Variants in PTPRD observed in about 807,000 individuals in gnomAD.
PTPRD encodes receptor-type tyrosine-protein phosphatase delta.
PTPRD carries 34 observed loss-of-function variants against 214.5 expected under a neutral mutation model. The ratio of observed to expected loss-of-function variants is 0.16; its 90% CI spans 0.12 to 0.21. The LOEUF (loss-of-function observed/expected upper bound fraction) is 0.21. PTPRD is among the 10% of genes least tolerant of loss of function. PTPRD has a pLI of 1.00. For synonymous variants in PTPRD, 1,128 were observed against 845.7 expected, an observed-to-expected ratio of 1.33 and a Z score of -5.79; for missense variants, 2,545 against 2,398.7, an observed-to-expected ratio of 1.06 and a Z score of -1.27.
At chr9:8,517,351 G>T (rs2097798610) in intron 21 of PTPRD, among the ~76,000 whole-genome samples, 1 of 152,116 alleles carries the variant, frequency 6.6e-6, no homozygotes, top group South Asian at 2.1e-4. Context: ...GCCATACAGA[G>T]AAAAACAGAA....
chr9:9,398,222 A>G (rs749156393), intron 8 of PTPRD, among the ~76,000 whole-genome samples: 3 of 151,858 alleles, frequency 2.0e-5, no homozygotes, highest in East Asian at 1.9e-4. Flanking sequence ...CATTTCTTCA[A>G]TAGAGGTTGT....
At chr9:9,957,633 C>G (rs530872110) in intron 4 of PTPRD, among the ~76,000 whole-genome samples, 12 of 151,944 alleles carry the variant, frequency 7.9e-5, no homozygotes, top group Non-Finnish European at 1.8e-4. Flanking sequence ...AGGGAAATAT[C>G]TCTCATAAAC....
At chr9:9,998,129 A>AAAAT (rs57991748) in intron 4 of PTPRD, among the ~76,000 whole-genome samples, 49 of 91,460 alleles carry the variant, frequency 5.4e-4, no homozygotes, top group Non-Finnish European at 7.5e-4. Context: ...AAAAAAAAAA[A>AAAAT]ATATATATAT....
At chr9:10,471,348 T>C (rs1299131040) in intron 2 of PTPRD, among the ~76,000 whole-genome samples, 1 of 151,372 alleles carries the variant, frequency 6.6e-6, no homozygotes, top group Non-Finnish European at 1.5e-5. Flanking sequence ...GAATTGGGGG[T>C]TTGGGGGTCA....
intron 38 of PTPRD, 61 bp downstream of exon 38, chr9:8,376,546 A>G (rs13284066): frequency 1.2e-6 from 2 of 1,606,988 alleles, no homozygotes; most frequent in Non-Finnish European, 1.7e-6. Context: ...TCATTTCTCA[A>G]AAGAAGCTTT....
At chr9:8,346,251 C>T (rs2132851052) in intron 39 of PTPRD, among the ~76,000 whole-genome samples, 1 of 152,116 alleles carries the variant, frequency 6.6e-6, no homozygotes, top group East Asian at 1.9e-4. Context: ...TGTGCTAGAG[C>T]TAGCAAAAGC....
intron 5 of PTPRD, among the ~76,000 whole-genome samples, chr9:9,897,125 T>A (rs1414337670): frequency 2.4e-5 from 1 of 42,336 alleles, no homozygotes; most frequent in Non-Finnish European, 4.1e-5. Context: ...AAACATCTCT[T>A]ACACTTACAC....
At chr9:9,132,163 A>G (rs1029681256) in intron 10 of PTPRD, among the ~76,000 whole-genome samples, 2 of 152,054 alleles carry the variant, frequency 1.3e-5, no homozygotes, top group African/African-American at 2.4e-5. Flanking sequence ...GCCCGCCACC[A>G]TACCTGGCTA....
intron 4 of PTPRD, among the ~76,000 whole-genome samples, chr9:9,991,534 T>C (rs1021364883): frequency 1.3e-5 from 2 of 151,892 alleles, no homozygotes; most frequent in African/African-American, 2.4e-5. Context: ...GCTAATTTTG[T>C]ATTTTTAGTA....
intron 2 of PTPRD, among the ~76,000 whole-genome samples, chr9:10,484,424 C>T (rs1575295): frequency 0.98 from 149,017 of 152,214 alleles, 73,029 homozygotes; most frequent in East Asian, 1. Flanking sequence ...AAACCACTTG[C>T]AATCCTAAAG....
At chr9:8,909,649 T>G (rs1051653449) in intron 11 of PTPRD, among the ~76,000 whole-genome samples, 1 of 152,108 alleles carries the variant, frequency 6.6e-6, no homozygotes, top group Admixed American at 6.6e-5. Flanking sequence ...TACATAATGA[T>G]GAAAACGGAA....
chr9:9,556,895 C>G (rs142483500), intron 8 of PTPRD, among the ~76,000 whole-genome samples: 3 of 152,240 alleles, frequency 2.0e-5, no homozygotes, highest in African/African-American at 7.2e-5. Flanking sequence ...GTATTCTAAT[C>G]TCAGACAGTA....
intron 35 of PTPRD, among the ~76,000 whole-genome samples, chr9:8,427,275 C>T (rs186554372): frequency 6.6e-6 from 1 of 152,120 alleles, no homozygotes; most frequent in Non-Finnish European, 1.5e-5. Context: ...GAGAAAAGAG[C>T]CTGAAAATAA....
At chr9:9,628,242 G>A (rs924070561) in intron 7 of PTPRD, among the ~76,000 whole-genome samples, 26 of 152,096 alleles carry the variant, frequency 1.7e-4, no homozygotes, top group Non-Finnish European at 1.0e-4. Context: ...TAACACATGT[G>A]TGATAACTCC....
intron 7 of PTPRD, among the ~76,000 whole-genome samples, chr9:9,581,196 G>GT (rs1205570367): frequency 6.6e-6 from 1 of 152,038 alleles, no homozygotes; most frequent in Non-Finnish European, 1.5e-5. Flanking sequence ...ATTTTAGATA[G>GT]TGACAGCCCC....
intron 14 of PTPRD, among the ~76,000 whole-genome samples, chr9:8,559,687 C>A (rs1335863945): frequency 6.6e-6 from 1 of 152,200 alleles, no homozygotes; most frequent in East Asian, 1.9e-4. Context: ...AAGGTGCTAT[C>A]AAGTGGGGCT....
At chr9:9,066,788 G>C (rs2099735215) in intron 10 of PTPRD, among the ~76,000 whole-genome samples, 1 of 152,182 alleles carries the variant, frequency 6.6e-6, no homozygotes, top group Non-Finnish European at 1.5e-5. Flanking sequence ...AAACGGGACG[G>C]GCTTTCTCGC....
chr9:10,195,713 A>T (rs1339510395), intron 3 of PTPRD, among the ~76,000 whole-genome samples: 1 of 152,206 alleles, frequency 6.6e-6, no homozygotes, highest in African/African-American at 2.4e-5. Flanking sequence ...ATAAGATAAA[A>T]AAATAAATAA....
At chr9:8,764,451 G>A (rs2094582240) in intron 11 of PTPRD, among the ~76,000 whole-genome samples, 4 of 152,076 alleles carry the variant, frequency 2.6e-5, no homozygotes, top group Admixed American at 2.6e-4. Context: ...TAAGATTTTA[G>A]GGATCATGGA....
Sources: gnomAD v4.1 joint callset for allele counts (sites outside exome capture counted in the v4.1 genomes callset) on GRCh38, gnomAD v4.1.1 for gene constraint, MANE v1.5 for transcripts, NCBI Gene and HGNC (gene_info 2026-07-23, HGNC 2026-07-21) for gene names.